Variants in DHRS2 observed in about 807,000 individuals in gnomAD.
DHRS2 encodes the protein dehydrogenase/reductase SDR family member 2, mitochondrial.
DHRS2 carries 29 observed loss-of-function variants against 26.3 expected under a neutral mutation model. The ratio of observed to expected loss-of-function variants is 1.10; its 90% confidence interval spans 0.82 to 1.50. DHRS2 has a LOEUF of 1.50. Among genes scored for constraint, DHRS2 ranks in the 40% most tolerant of loss-of-function variants. The pLI is 0.00. For missense variants in DHRS2, 439 were observed against 367.1 expected, an observed-to-expected ratio of 1.20 and a Z score of -1.60; for synonymous variants, 164 against 151.3, an observed-to-expected ratio of 1.08 and a Z score of -0.62.
upstream of DHRS2, among the ~76,000 whole-genome samples, chr14:23,634,040 G>C (rs1440231974): frequency 6.9e-6 from 1 of 143,992 alleles, no homozygotes; most frequent in African/African-American, 2.6e-5. Flanking sequence ...CACGCTAGAA[G>C]CTCTTTAGTT....
At position 23,643,216 on chromosome 14, in the gene DHRS2, A is replaced by G. The variant is rs772154377; in HGVS notation, c.485A>G (p.Asn162Ser). The G allele has an allele frequency of 1.2e-6, 2 of 1,613,904 alleles. No individual in the cohort carries two copies. Among genetic ancestry groups the G allele is most frequent in the South Asian group, 1.1e-5 (1 of 91,066 alleles). The part of the protein sequence containing the change: ...LLSQLLPYME[N>S]RRGAVILVSS... ...AGCCAGTTGCTGCCCTACATGGAGA[A>G]CAGGTATGGCAGGGCGGGGGTGGGG... Residue 162 changes from asparagine to serine, a missense_variant, in exon 5 of 9, where the codon AAC becomes AGC. Coordinates refer to ENST00000250383, the MANE Select transcript of DHRS2 (RefSeq NM_005794.4).
At chr14:23,641,904 C>T (rs1890687152) in intron 4 of DHRS2, 5 of 1,210,088 alleles carry the variant, frequency 4.1e-6, no homozygotes, top group Admixed American at 3.1e-5. Context: ...ATGCAGCTGA[C>T]CTGAATCAGG....
chr14:23,641,555 A>C, intron 4 of DHRS2: 1 of 1,253,828 alleles, frequency 8.0e-7, no homozygotes, highest in Non-Finnish European at 1.0e-6. Context: ...TCAGCCCCTC[A>C]CTCAGCCTGA....
upstream of DHRS2, among the ~76,000 whole-genome samples, chr14:23,633,085 A>G (rs1343797887): frequency 6.6e-6 from 1 of 152,164 alleles, no homozygotes; most frequent in Non-Finnish European, 1.5e-5. Flanking sequence ...GGAAATTAGG[A>G]TTTGGGTGAA....
At chr14:23,634,081 T>TA (rs1890197469), upstream of DHRS2, among the ~76,000 whole-genome samples, 1 of 144,068 alleles carries the variant, frequency 6.9e-6, no homozygotes, top group Non-Finnish European at 1.5e-5. Context: ...TTTTTTTTTT[T>TA]TTTTGAGACG....
intron 3 of DHRS2, 109 bp downstream of exon 3, chr14:23,639,465 G>A: frequency 7.2e-7 from 1 of 1,394,112 alleles, no homozygotes. Context: ...GACCATGACT[G>A]CACCCAGGCT....
chr14:23,642,325 A>G (rs1173988679), intron 4 of DHRS2: 11 of 209,044 alleles, frequency 5.3e-5, no homozygotes, highest in Admixed American at 2.6e-4. Flanking sequence ...GCTTTTTCTT[A>G]TTTTTCTACA....
Position 23,644,432 on chromosome 14 carries a change from C to T in DHRS2, c.564C>T (p.Ser188=). The stretch of plus-strand genomic sequence containing the variant: ...AGGCGCTGGGTGTCTACAATGTCAG[C>T]AAGACAGCGCTGCTGGGTCTCACTA... The part of the protein sequence containing the change: ...PVVALGVYNV[S]KTALLGLTRT... The change falls in exon 7 of 9, where the codon AGC becomes AGT. Residue 188 remains serine (S), a synonymous_variant. Coordinates refer to ENST00000250383, the MANE Select transcript of DHRS2 (RefSeq NM_005794.4). The T allele has an allele frequency of 6.2e-7, 1 of 1,614,188 alleles. No individual in the cohort carries two copies. Among genetic ancestry groups the T allele is most frequent in the Non-Finnish European group, 8.5e-7 (1 of 1,180,042 alleles).
chr14:23,634,196 T>C (rs915647256), upstream of DHRS2, among the ~76,000 whole-genome samples: 12 of 150,152 alleles, frequency 8.0e-5, no homozygotes, highest in African/African-American at 2.5e-4. Flanking sequence ...GTCTCCCAAG[T>C]AGCTGGGACT....
chr14:23,634,420 C>A (rs568504605), upstream of DHRS2, among the ~76,000 whole-genome samples: 68 of 152,140 alleles, frequency 4.5e-4, no homozygotes, highest in African/African-American at 1.6e-3. Flanking sequence ...TGCGGAAATA[C>A]CCACTCTCCT....
At chr14:23,642,299 C>G in intron 4 of DHRS2, 1 of 321,438 alleles carries the variant, frequency 3.1e-6, no homozygotes, top group Non-Finnish European at 4.5e-6. Flanking sequence ...GAACTGTAGG[C>G]ACCAACCTCA....
chr14:23,631,751 C>G (rs1378943869), upstream of DHRS2, among the ~76,000 whole-genome samples: 1 of 152,158 alleles, frequency 6.6e-6, no homozygotes, highest in South Asian at 2.1e-4. Context: ...CTCCCAGGAC[C>G]TGTGGTCAAT....
At chr14:23,641,565 A>G in intron 4 of DHRS2, 2 of 1,270,710 alleles carry the variant, frequency 1.6e-6, no homozygotes, top group African/African-American at 1.5e-5. Flanking sequence ...ACTCAGCCTG[A>G]TGCACATGGA....
intron 7 of DHRS2, 91 bp from the exon 8 acceptor site, chr14:23,644,736 C>A: frequency 6.6e-7 from 1 of 1,505,646 alleles, no homozygotes. Context: ...AAGGGCAAAG[C>A]TGCCCTAGGT....
chr14:23,633,782 C>T (rs937456801), upstream of DHRS2, among the ~76,000 whole-genome samples: 5 of 152,122 alleles, frequency 3.3e-5, no homozygotes, highest in Admixed American at 2.6e-4. Flanking sequence ...CATAGAACAA[C>T]TTTGAGAAAG....
chr14:23,644,609 G>A, intron 7 of DHRS2, 66 bp downstream of exon 7: 2 of 1,611,040 alleles, frequency 1.2e-6, no homozygotes, highest in South Asian at 2.2e-5. Context: ...AGTGAATAAG[G>A]GATCAAGGGG....
intron 4 of DHRS2, chr14:23,641,592 C>T: frequency 7.8e-7 from 1 of 1,287,594 alleles, no homozygotes; most frequent in African/African-American, 1.5e-5. Flanking sequence ...GACAGATATC[C>T]TGTGGGCTGG....
At chr14:23,632,112 GC>G (rs377198523), upstream of DHRS2, among the ~76,000 whole-genome samples, 58 of 152,338 alleles carry the variant, frequency 3.8e-4, 5 homozygotes, top group East Asian at 2.7e-3. Flanking sequence ...TGTTACTCTA[GC>G]CTTCCAGCAG....
In DHRS2 at chr14:23,642,203, C is replaced by T. The variant is rs61977729; in HGVS notation, c.421-949C>T. On this transcript the variant is annotated intron_variant, in intron 4 of 8. Transcript: ENST00000250383. Reference sequence around the variant, plus strand: ...GCAGGAAAGCTCAGAGCCAAGTCTGCGATAAGCTGGTGTGTGTAGGCCCTT... The same window carrying T: ...GCAGGAAAGCTCAGAGCCAAGTCTGTGATAAGCTGGTGTGTGTAGGCCCTT... The T allele has an allele frequency of 6.1e-3, 6,135 of 1,004,094 alleles. 22 individuals are homozygous for T. Among genetic ancestry groups the T allele is most frequent in the Non-Finnish European group, 6.7e-3 (5,653 of 838,762 alleles). 62.2% of individuals were successfully genotyped at this position (1,004,094 alleles called of 1,614,324 possible).
Sources: gnomAD v4.1 joint callset for allele counts (sites outside exome capture counted in the v4.1 genomes callset) on GRCh38, gnomAD v4.1.1 for gene constraint, MANE v1.5 for transcripts, NCBI Gene and HGNC (gene_info 2026-07-23, HGNC 2026-07-21) for gene names.